The following RNF169 variants were observed in gnomAD, a reference collection of about 807,000 sequenced individuals.
The protein encoded by RNF169 is ring finger protein 169.
Under a neutral mutation model 53.9 loss-of-function variants are expected in RNF169, and 24 were observed. That is an observed-to-expected ratio of 0.45 (90% CI 0.32 to 0.63). The LOEUF (loss-of-function observed/expected upper bound fraction) is 0.63, where lower values mean the gene tolerates loss of function less well. Ranked by LOEUF, RNF169 falls within the 20% of genes least tolerant of loss-of-function variation. The pLI, the probability that RNF169 is intolerant of heterozygous loss-of-function variation, is 0.04. For synonymous variants in RNF169, 396 were observed against 363.5 expected (o/e 1.09, Z -1.02); for missense variants, 883 against 906.2 (o/e 0.97, Z 0.33).
intron 2 of RNF169, among the ~76,000 whole-genome samples, chr11:74,790,108 G>T (rs556501898): frequency 1.3e-5 from 2 of 152,320 alleles, no homozygotes; most frequent in Admixed American, 6.5e-5. Flanking sequence ...CAAAAGAACT[G>T]TCTTGTAGGT....
At chr11:74,818,202 G>A (rs1172365497) in intron 4 of RNF169, among the ~76,000 whole-genome samples, 4 of 152,142 alleles carry the variant, frequency 2.6e-5, no homozygotes, top group Middle Eastern at 3.2e-3. Context: ...AGAGGGAATT[G>A]GATAGATGAT....
intron 1 of RNF169, among the ~76,000 whole-genome samples, chr11:74,777,666 G>A (rs1202422768): frequency 7.0e-6 from 1 of 142,998 alleles, no homozygotes; most frequent in Non-Finnish European, 1.5e-5. Flanking sequence ...TTTTTTTTTT[G>A]AGACAGGGTC....
chr11:74,829,897 A>G (rs965182951), intron 4 of RNF169, among the ~76,000 whole-genome samples: 3 of 152,116 alleles, frequency 2.0e-5, no homozygotes, highest in African/African-American at 4.8e-5. Flanking sequence ...AAAATAGCTA[A>G]TGGATGCTGG....
intron 2 of RNF169, among the ~76,000 whole-genome samples, chr11:74,794,118 C>G (rs567452827): frequency 3.9e-5 from 6 of 152,308 alleles, no homozygotes; most frequent in Non-Finnish European, 7.4e-5. Context: ...GGAACATTAA[C>G]TTTCTAAGTA....
intron 1 of RNF169, among the ~76,000 whole-genome samples, chr11:74,775,981 C>G (rs2035327208): frequency 6.6e-6 from 1 of 152,052 alleles, no homozygotes; most frequent in African/African-American, 2.4e-5. Flanking sequence ...GTCATGATTC[C>G]TTAACCATTC....
chr11:74,789,534 T>A lies in RNF169; in HGVS notation c.503-92T>A, dbSNP rs1382491605. On this transcript the variant is annotated intron_variant, in intron 1 of 5. Transcript: ENST00000299563. ...ATTCTGTTCTTAGCTTTGATTTTTATCATCTATTTATATAACCCACATGTA... is the reference window on the plus strand; with the variant it reads ...ATTCTGTTCTTAGCTTTGATTTTTAACATCTATTTATATAACCCACATGTA... 8.3e-6 allele frequency: 6 copies of A among 719,332 alleles called. No individual in the cohort carries two copies. The East Asian group carries it at 1.5e-4, about 18-fold the overall frequency. 44.6% of individuals were successfully genotyped at this position (719,332 alleles called of 1,614,324 possible). A position where few individuals can be genotyped will look rare whatever the true frequency, so the allele number is the denominator to read the frequency against.
At chr11:74,785,721 G>T (rs2035490820) in intron 1 of RNF169, among the ~76,000 whole-genome samples, 1 of 151,898 alleles carries the variant, frequency 6.6e-6, no homozygotes, top group Non-Finnish European at 1.5e-5. Flanking sequence ...ATTAATATCA[G>T]TACTAATTTT....
At chr11:74,758,856 G>A (rs1405393066) in intron 1 of RNF169, among the ~76,000 whole-genome samples, 1 of 150,856 alleles carries the variant, frequency 6.6e-6, no homozygotes, top group African/African-American at 2.4e-5. Context: ...AAAGTCATTG[G>A]TAGCTTGATG....
intron 1 of RNF169, among the ~76,000 whole-genome samples, chr11:74,768,781 A>C (rs575064): frequency 0.2 from 29,977 of 152,064 alleles, 3,119 homozygotes; most frequent in South Asian, 0.38. Context: ...GTGGTGGCTC[A>C]TGCCTATAAT....
At chr11:74,771,684 A>G (rs1163544403) in intron 1 of RNF169, among the ~76,000 whole-genome samples, 1 of 152,204 alleles carries the variant, frequency 6.6e-6, no homozygotes, top group African/African-American at 2.4e-5. Flanking sequence ...AACCTGGGTG[A>G]CAGGGCAAGA....
At chr11:74,810,091 T>C in intron 2 of RNF169, 93 bp from the exon 3 acceptor site, 1 of 1,107,080 alleles carries the variant, frequency 9.0e-7, no homozygotes, top group Non-Finnish European at 1.3e-6. Context: ...AACTGCCATG[T>C]GATCTGTTTG....
At chr11:74,805,178 G>A (rs2035786579) in intron 2 of RNF169, among the ~76,000 whole-genome samples, 1 of 152,208 alleles carries the variant, frequency 6.6e-6, no homozygotes, top group Non-Finnish European at 1.5e-5. Flanking sequence ...TTTATTCATA[G>A]AATGGGTTAT....
At chr11:74,755,941 G>A (rs2034975486) in intron 1 of RNF169, among the ~76,000 whole-genome samples, 2 of 152,112 alleles carry the variant, frequency 1.3e-5, no homozygotes, top group African/African-American at 2.4e-5. Context: ...TTTAAGTGGT[G>A]GAATAACATA....
chr11:74,811,297 A>G (rs2035872305), intron 3 of RNF169, among the ~76,000 whole-genome samples: 1 of 152,170 alleles, frequency 6.6e-6, no homozygotes, highest in Non-Finnish European at 1.5e-5. Flanking sequence ...GCTGGAGTGC[A>G]GGGGTGTGAT....
At chr11:74,807,987 T>A (rs901839580) in intron 2 of RNF169, 1 of 152,206 alleles carries the variant, frequency 6.6e-6, no homozygotes, top group Non-Finnish European at 1.5e-5. Context: ...GCTAATGGTC[T>A]GTTAGCAGTG....
At chr11:74,796,161 A>G (rs1330483990) in intron 2 of RNF169, among the ~76,000 whole-genome samples, 2 of 152,096 alleles carry the variant, frequency 1.3e-5, no homozygotes, top group African/African-American at 4.8e-5. Flanking sequence ...TCTTTTGGGT[A>G]TTTGTGATCT....
chr11:74,771,050 C>T (rs1189618560), intron 1 of RNF169, among the ~76,000 whole-genome samples: 1 of 152,042 alleles, frequency 6.6e-6, no homozygotes, highest in Non-Finnish European at 1.5e-5. Context: ...CAGGTGATCC[C>T]CCCCGCCTCG....
rs114302283 is a variant in RNF169 at position 74,786,744 on chromosome 11, T to C, written c.503-2882T>C. On this transcript the variant is annotated intron_variant, in intron 1 of 5. Coordinates refer to ENST00000299563, the MANE Select transcript of RNF169 (RefSeq NM_001098638.2). ...TCATATTGCACTCATCTGATCCTTATAATAACCTGTGATGATGGGTATTCT... is the reference window on the plus strand; with the variant it reads ...TCATATTGCACTCATCTGATCCTTACAATAACCTGTGATGATGGGTATTCT... 2.6e-3 allele frequency among the ~76,000 whole-genome samples: 401 copies of C among 152,318 alleles called. 4 individuals are homozygous for C. The highest frequency in any genetic ancestry group is 9.2e-3 in the African/African-American group (381 of 41,576).
chr11:74,835,490 A>G, intron 5 of RNF169, 56 bp from the exon 6 acceptor site: 1 of 1,332,968 alleles, frequency 7.5e-7, no homozygotes, highest in East Asian at 2.3e-5. Flanking sequence ...AGGAATGATG[A>G]AGGAAAATGT....
Sources: allele counts gnomAD v4.1 joint callset (sites outside exome capture counted in the v4.1 genomes callset), GRCh38; gene constraint gnomAD v4.1.1; transcripts MANE v1.5; gene names NCBI Gene and HGNC (gene_info 2026-07-23, HGNC 2026-07-21).